Variants in ABHD4 observed in about 807,000 individuals in gnomAD.
ABHD4 encodes abhydrolase domain containing 4, N-acyl phospholipase B, also known as (Lyso)-N-acylphosphatidylethanolamine lipase.
In ABHD4, 35 loss-of-function variants were observed where a neutral mutation model predicts 42.3. The observed-to-expected ratio is 0.83, with a 90% confidence interval of 0.63 to 1.10. The LOEUF (loss-of-function observed/expected upper bound fraction) is 1.10, where lower values mean the gene tolerates loss of function less well. Ranked by LOEUF, ABHD4 falls within the 50% of genes least tolerant of loss-of-function variation. The probability of loss-of-function intolerance (pLI) is 0.00; values close to 1 mark genes in which losing one functional copy is unlikely to be tolerated. For missense variants in ABHD4, 389 were observed against 454.8 expected (o/e 0.86, Z 1.32); for synonymous variants, 169 against 170.6 (o/e 0.99, Z 0.07).
intron 4 of ABHD4, among the ~76,000 whole-genome samples, chr14:22,605,155 G>A (rs969144110): frequency 3.9e-5 from 6 of 152,168 alleles, no homozygotes; most frequent in Non-Finnish European, 8.8e-5. Flanking sequence ...GGGAGAAAAG[G>A]AGGTGGAGGA....
chr14:22,610,080 G>A (rs2037394778), intron 6 of ABHD4, among the ~76,000 whole-genome samples, 170 bp downstream of exon 6: 1 of 150,808 alleles, frequency 6.6e-6, no homozygotes, highest in Non-Finnish European at 1.5e-5. Flanking sequence ...TTTTCGTGAT[G>A]GAGTCTCGCT....
Position 22,610,872 on chromosome 14 carries a change from C to T in ABHD4, c.953C>T (p.Ala318Val). ...SYVRDMEIKG[A>V]SHHVYADQPH... ...CTCTCTCCACAGGAGATTAAGGGTGCCTCCCACCATGTCTATGCTGACCAG... is the reference window on the plus strand; with the variant it reads ...CTCTCTCCACAGGAGATTAAGGGTGTCTCCCACCATGTCTATGCTGACCAG... The change falls in exon 7 of 7, where the codon GCC (alanine) becomes GTC (valine). Residue 318 changes from alanine (A) to valine (V), a missense_variant. By Grantham distance (64) the Ala-to-Val change is moderately conservative. Around this residue, in one of 3 missense-constraint regions of ABHD4, gnomAD observed 249 missense variants for 254.4 expected, o/e 0.98. Transcript: ENST00000428304. 6.2e-7 allele frequency: 1 copy of T among 1,613,980 alleles called. No homozygotes were observed.
In ABHD4 at chr14:22,603,983, A is replaced by C; in HGVS notation, c.544A>C (p.Ser182Arg). 6.2e-7 allele frequency: 1 copy of C among 1,614,196 alleles called. No homozygotes were observed. Among genetic ancestry groups the C allele is most frequent in the Non-Finnish European group, 8.5e-7 (1 of 1,180,040 alleles). ...CTTTCCCCTCCGACCAACTAACCCC[A>C]GTGAGATCCGTGCACCCCCAGCCTG... ...WGFPLRPTNP[S>R]EIRAPPAWVK... Residue 182 changes from serine (S) to arginine (R), a missense_variant, in exon 4 of 7, where the codon AGT (serine) becomes CGT (arginine). By Grantham distance (110) the Ser-to-Arg change is moderately radical. Transcript: ENST00000428304.
intron 5 of ABHD4, 53 bp from the exon 6 acceptor site, chr14:22,609,671 C>T: frequency 6.3e-7 from 1 of 1,575,606 alleles, no homozygotes; most frequent in South Asian, 1.2e-5. Flanking sequence ...CTGAAGAGAC[C>T]AACAAGTTGA....
intron 1 of ABHD4, chr14:22,598,846 C>G: frequency 5.0e-6 from 1 of 198,270 alleles, no homozygotes; most frequent in South Asian, 8.9e-5. Context: ...TAGCTGTCGC[C>G]CACCGAGACA....
chr14:22,606,463 A>G lies in ABHD4; in HGVS notation c.682A>G (p.Lys228Glu), dbSNP rs1261405030. Residue 228 changes from lysine to glutamate, a missense_variant, in exon 5 of 7, where the codon AAG becomes GAG. This residue lies in a region of ABHD4 where 249 missense variants were observed against 254.4 expected (regional missense o/e 0.98). Coordinates refer to ENST00000428304, the MANE Select transcript of ABHD4 (RefSeq NM_022060.3). ...VQRFRPDFKR[K>E]FADFFEDDTI... The stretch of plus-strand genomic sequence containing the variant: ...GCGATTCCGGCCGGACTTCAAACGC[A>G]AGTTTGCAGACTTCTTTGAAGATGA... The G allele has an allele frequency of 1.9e-6, 3 of 1,613,542 alleles. No individual in the cohort carries two copies. The highest frequency in any genetic ancestry group is 2.5e-6 in the Non-Finnish European group (3 of 1,179,908).
Position 22,601,732 on chromosome 14 carries a change from AT to A in ABHD4, c.90del (p.Asn30LysfsTer30). ...WRPTSMSQLK[N>X]VEARILQCLQ... ...CCCACTTCCATGTCTCAGCTGAAGAATGTGGAAGCCAGGATCCTCCAGTGTA... is the reference window on the plus strand; with the variant it reads ...CCCACTTCCATGTCTCAGCTGAAGAAGTGGAAGCCAGGATCCTCCAGTGTA... On this transcript the variant is annotated frameshift_variant, in exon 2 of 7. Transcript: ENST00000428304. LOFTEE classifies it high-confidence loss of function. The A allele has an allele frequency of 6.2e-7, 1 of 1,614,190 alleles. No individual in the cohort carries two copies. Among genetic ancestry groups the A allele is most frequent in the Non-Finnish European group, 8.5e-7 (1 of 1,180,026 alleles).
intron 1 of ABHD4, among the ~76,000 whole-genome samples, chr14:22,600,875 T>TGTGTAA (rs2037276593): frequency 6.7e-6 from 1 of 150,204 alleles, no homozygotes; most frequent in East Asian, 1.9e-4. Context: ...TGTGTGTGTG[T>TGTGTAA]GTAATTCCAA....
chr14:22,605,888 G>A (rs1174579861), intron 4 of ABHD4: 13 of 1,215,918 alleles, frequency 1.1e-5, no homozygotes, highest in South Asian at 1.3e-5. Context: ...ATAATGAGGT[G>A]AAACGAACAG....
intron 1 of ABHD4, among the ~76,000 whole-genome samples, chr14:22,599,794 C>T (rs1256162855): frequency 6.6e-6 from 1 of 152,150 alleles, no homozygotes; most frequent in Non-Finnish European, 1.5e-5. Context: ...ATCCTGTGGT[C>T]TTGGTCCCCG....
chr14:22,610,912 T>C lies in ABHD4; in HGVS notation c.993T>C (p.Asn331=). 6.2e-7 allele frequency: 1 copy of C among 1,614,128 alleles called. No homozygotes were observed. The highest frequency in any genetic ancestry group is 1.1e-5 in the South Asian group (1 of 91,082). ...ATGCTGACCAGCCACACATCTTCAA[T>C]GCTGTGGTGGAGGAGATCTGCGACT... ...HVYADQPHIF[N]AVVEEICDSV... Residue 331 remains asparagine (N), a synonymous_variant, in exon 7 of 7, where the codon AAT becomes AAC. Transcript: ENST00000428304.
chr14:22,598,531 G>A, intron 1 of ABHD4: 2 of 1,475,716 alleles, frequency 1.4e-6, no homozygotes, highest in African/African-American at 1.4e-5. Context: ...GGAGCCATGG[G>A]AGACGCGCTC....
rs2037407673 is a variant in ABHD4, at chr14:22,610,895, C to T, written c.976C>T (p.Gln326Ter). The change falls in exon 7 of 7, where the codon CAG (glutamine) becomes TAG (stop). Residue 326 changes from glutamine to a stop codon, truncating the protein, a stop_gained. Transcript: ENST00000428304. LOFTEE classifies it high-confidence loss of function. The stretch of plus-strand genomic sequence containing the variant: ...TGCCTCCCACCATGTCTATGCTGAC[C>T]AGCCACACATCTTCAATGCTGTGGT... Reference protein sequence around the residue: ...KGASHHVYADQPHIFNAVVEE... With the variant: ...KGASHHVYAD The T allele has an allele frequency of 6.2e-7, 1 of 1,614,024 alleles. No homozygotes were observed. Among genetic ancestry groups the T allele is most frequent in the Non-Finnish European group, 8.5e-7 (1 of 1,180,030 alleles).
chr14:22,603,355 CTTA>C, intron 2 of ABHD4, 32 bp from the exon 3 acceptor site: 1 of 1,613,186 alleles, frequency 6.2e-7, no homozygotes, highest in Non-Finnish European at 8.5e-7. Flanking sequence ...TCAGGAAACA[CTTA>C]TTGACTTACC....
intron 1 of ABHD4, 26 bp downstream of exon 1, chr14:22,598,355 C>T (rs1442725024): frequency 6.4e-7 from 1 of 1,551,322 alleles, no homozygotes; most frequent in African/African-American, 1.4e-5. Flanking sequence ...CCCTTTCTCT[C>T]TTTCTCTCTC....
At chr14:22,601,819 C>A in intron 2 of ABHD4, 64 bp downstream of exon 2, 1 of 1,414,874 alleles carries the variant, frequency 7.1e-7, no homozygotes, top group Non-Finnish European at 1.0e-6. Context: ...CAGGATCTTC[C>A]CAGAGCCTGC....
chr14:22,601,857 A>T lies in ABHD4; in HGVS notation c.112+102A>T, dbSNP rs376993582. On this transcript the variant is annotated intron_variant, in intron 2 of 6. Transcript: ENST00000428304. ...CATTGAGCCCACTGATTCCTAATTA[A>T]CAGTGTGTATGGGGTGGGAGGAAAG... The T allele has an allele frequency of 8.7e-4, 883 of 1,016,954 alleles. 17 individuals are homozygous for T. The South Asian group carries it at 0.011, about 13-fold the overall frequency. The allele number at this position is 1,016,954 out of a possible 1,614,324, so 63.0% of individuals were successfully genotyped here. A position where few individuals can be genotyped will look rare whatever the true frequency, so the allele number is the denominator to read the frequency against.
At chr14:22,600,627 G>A (rs1276307507) in intron 1 of ABHD4, among the ~76,000 whole-genome samples, 3 of 152,130 alleles carry the variant, frequency 2.0e-5, no homozygotes, top group African/African-American at 7.2e-5. Context: ...TATCTGTCCT[G>A]TAACTCAGGC....
chr14:22,610,835 C>A (rs866498295), intron 6 of ABHD4, 24 bp from the exon 7 acceptor site: 10 of 1,600,598 alleles, frequency 6.2e-6, no homozygotes, highest in African/African-American at 4.0e-5. Flanking sequence ...GGCCATCCCA[C>A]CCCTGCGGGT....
Sources: gnomAD v4.1 joint callset for allele counts (sites outside exome capture counted in the v4.1 genomes callset) on GRCh38, gnomAD v4.1.1 for gene constraint, gnomAD v4.1.1 regional missense constraint, MANE v1.5 for transcripts, NCBI Gene and HGNC (gene_info 2026-07-23, HGNC 2026-07-21) for gene names.